Variants in KDM8 observed in about 807,000 individuals in gnomAD.
KDM8 encodes the protein bifunctional peptidase and arginyl-hydroxylase JMJD5.
In KDM8, 35 loss-of-function variants were observed where a neutral mutation model predicts 46.9. The observed-to-expected ratio is 0.75, with a 90% CI of 0.57 to 0.99. The LOEUF (loss-of-function observed/expected upper bound fraction) is 0.99, where lower values mean the gene tolerates loss of function less well. KDM8 is among the 50% of genes least tolerant of loss of function. The pLI, the probability that KDM8 is intolerant of heterozygous loss-of-function variation, is 0.00. For synonymous variants in KDM8, 232 were observed against 227.7 expected, an observed-to-expected ratio of 1.02 and a Z score of -0.17; for missense variants, 475 against 537.0, an observed-to-expected ratio of 0.88 and a Z score of 1.14.
At chr16:27,215,304 G>A (rs1391179521) in intron 4 of KDM8, among the ~76,000 whole-genome samples, 1 of 152,192 alleles carries the variant, frequency 6.6e-6, no homozygotes, top group African/African-American at 2.4e-5. Context: ...TAGCAGCCAG[G>A]CATGGTGGCT....
chr16:27,217,896 G>A (rs2083572794), intron 5 of KDM8, among the ~76,000 whole-genome samples: 1 of 151,372 alleles, frequency 6.6e-6, no homozygotes, highest in Non-Finnish European at 1.5e-5. Flanking sequence ...GGCCTGGGGG[G>A]TGTGGGCTGG....
chr16:27,219,521 TG>T (rs2083594871), intron 6 of KDM8, among the ~76,000 whole-genome samples: 2 of 152,298 alleles, frequency 1.3e-5, no homozygotes, highest in Admixed American at 6.5e-5. Flanking sequence ...GAGGAGCAGA[TG>T]GATTTGCTGC....
At chr16:27,212,066 A>G (rs2083490026) in intron 2 of KDM8, among the ~76,000 whole-genome samples, 3 of 152,268 alleles carry the variant, frequency 2.0e-5, no homozygotes, top group African/African-American at 7.2e-5. Flanking sequence ...TTCCACAAAT[A>G]TGTCAGACAA....
At position 27,213,495 on chromosome 16, in the gene KDM8, T is replaced by C. The variant is rs1324967170; in HGVS notation, c.499-90T>C. On this transcript the variant is annotated intron_variant, in intron 2 of 7. Transcript: ENST00000286096. ...ACTGGTACTCTTGACAGCTAAGCTCTCCTACCCCTGACACAGGTTCCTGGT... is the reference window on the plus strand; with the variant it reads ...ACTGGTACTCTTGACAGCTAAGCTCCCCTACCCCTGACACAGGTTCCTGGT... The C allele has an allele frequency of 2.2e-6, 3 of 1,375,946 alleles. No homozygotes were observed. In the African/African-American group the frequency reaches 4.3e-5, roughly 20 times the overall value. The allele number at this position is 1,375,946 out of a possible 1,614,324, so 85.2% of individuals were successfully genotyped here.
At chr16:27,216,035 C>T in intron 5 of KDM8, 46 bp downstream of exon 5, 2 of 1,592,762 alleles carry the variant, frequency 1.3e-6, no homozygotes, top group Non-Finnish European at 8.6e-7. Context: ...TCTCACCTTC[C>T]CCTCTCCTCC....
chr16:27,204,142 G>A (rs776055682), intron 1 of KDM8: 1 of 1,534,396 alleles, frequency 6.5e-7, no homozygotes. Flanking sequence ...GAGGGAAGGG[G>A]GTCTGAGGCC....
intron 1 of KDM8, among the ~76,000 whole-genome samples, chr16:27,204,935 A>G (rs1044061333): frequency 1.3e-5 from 2 of 152,230 alleles, no homozygotes; most frequent in South Asian, 4.1e-4. Flanking sequence ...CTGAGGCAGG[A>G]GAATTGCTTG....
chr16:27,211,286 C>G (rs1456371560), intron 2 of KDM8: 1 of 434,112 alleles, frequency 2.3e-6, no homozygotes, highest in African/African-American at 2.1e-5. Context: ...TGAAGTCTCA[C>G]CCAGGCGAGG....
intron 5 of KDM8, among the ~76,000 whole-genome samples, chr16:27,217,728 G>A (rs1469570275): frequency 6.6e-6 from 1 of 152,244 alleles, no homozygotes; most frequent in Non-Finnish European, 1.5e-5. Flanking sequence ...TGCTCCCGAA[G>A]GAATGGTAGT....
At chr16:27,214,424 G>A (rs1463777014) in intron 3 of KDM8, 1 of 170,364 alleles carries the variant, frequency 5.9e-6, no homozygotes, top group Non-Finnish European at 1.3e-5. Context: ...TGTAAATGGG[G>A]ATCAAGGACT....
intron 5 of KDM8, among the ~76,000 whole-genome samples, chr16:27,218,341 G>A (rs926739369): frequency 2.0e-5 from 3 of 152,086 alleles, no homozygotes; most frequent in African/African-American, 4.8e-5. Flanking sequence ...CTGCCCCACC[G>A]TGAACATCCA....
intron 7 of KDM8, 30 bp from the exon 8 acceptor site, chr16:27,220,536 G>A: frequency 6.2e-7 from 1 of 1,614,198 alleles, no homozygotes; most frequent in Non-Finnish European, 8.5e-7. Flanking sequence ...CACTGCCCCT[G>A]GAGATGATGA....
intron 5 of KDM8, among the ~76,000 whole-genome samples, chr16:27,218,180 G>A (rs1362921815): frequency 6.6e-6 from 1 of 152,114 alleles, no homozygotes; most frequent in Non-Finnish European, 1.5e-5. Flanking sequence ...AATTTGGGAG[G>A]CTGAGGCAGG....
At position 27,220,825 on chromosome 16, in the gene KDM8, A is replaced by C; in HGVS notation, c.*95A>C. On this transcript the variant is annotated 3_prime_UTR_variant, in exon 8 of 8. Transcript: ENST00000286096. ...GAATCTATAGAGACAAGCAGGACTG[A>C]ACCTGTGTCCTGAAGAGCCTTCACT... is the stretch of plus-strand genomic sequence containing the variant. The C allele has an allele frequency of 6.9e-7, 1 of 1,459,086 alleles. No individual in the cohort carries two copies. Among genetic ancestry groups the C allele is most frequent in the Non-Finnish European group, 9.6e-7 (1 of 1,042,066 alleles). 90.4% of individuals were successfully genotyped at this position (1,459,086 alleles called of 1,614,324 possible).
At chr16:27,203,901 A>ATGCGTGAGGGCAGGCCCT in intron 1 of KDM8, 1 of 490,008 alleles carries the variant, frequency 2.0e-6, no homozygotes, top group Non-Finnish European at 3.7e-6. Flanking sequence ...GGTTTTGCGC[A>ATGCGTGAGGGCAGGCCCT]TGCGTGAGGG....
chr16:27,214,918 A>G lies in KDM8; in HGVS notation c.708A>G (p.Pro236=). The change falls in exon 4 of 8, where the codon CCA becomes CCG. Residue 236 remains proline (P), a synonymous_variant. Transcript: ENST00000286096. ...AGATCGCTGGCTGCCGAACTGTCCCAGTGGAAGTTGGTTCGAGGTACACAG... is the reference window on the plus strand; with the variant it reads ...AGATCGCTGGCTGCCGAACTGTCCCGGTGGAAGTTGGTTCGAGGTACACAG... ...IQEIAGCRTV[P]VEVGSRYTDE... is the part of the protein sequence containing the mutation. 6.2e-7 allele frequency: 1 copy of G among 1,614,186 alleles called. No homozygotes were observed. Among genetic ancestry groups the G allele is most frequent in the African/African-American group, 1.3e-5 (1 of 75,054 alleles).
intron 1 of KDM8, among the ~76,000 whole-genome samples, chr16:27,207,868 C>G (rs2083442317): frequency 6.6e-6 from 1 of 152,178 alleles, no homozygotes; most frequent in African/African-American, 2.4e-5. Flanking sequence ...TATAGGTGCC[C>G]TGCTGGGGGA....
chr16:27,204,223 G>A, intron 1 of KDM8: 1 of 1,437,714 alleles, frequency 7.0e-7, no homozygotes, highest in Non-Finnish European at 9.1e-7. Flanking sequence ...CCTAAGGAAA[G>A]GTGCTTGTAG....
At chr16:27,204,453 A>G (rs1192574883) in intron 1 of KDM8, 2 of 895,478 alleles carry the variant, frequency 2.2e-6, no homozygotes, top group Non-Finnish European at 3.0e-6. Flanking sequence ...TTTCCTGGGA[A>G]GTTTTACGAA....
Sources: allele counts gnomAD v4.1 joint callset (sites outside exome capture counted in the v4.1 genomes callset), GRCh38; gene constraint gnomAD v4.1.1; transcripts MANE v1.5; gene names NCBI Gene and HGNC (gene_info 2026-07-23, HGNC 2026-07-21).